The following CACNA2D3 variants were observed in gnomAD, a reference collection of about 807,000 sequenced individuals.
CACNA2D3 encodes the protein calcium voltage-gated channel auxiliary subunit alpha2delta 3, also known as voltage-dependent calcium channel subunit alpha-2/delta-3.
Under a neutral mutation model 160.6 loss-of-function variants are expected in CACNA2D3, and 60 were observed. The ratio of observed to expected loss-of-function variants is 0.37; its 90% CI spans 0.30 to 0.46. The LOEUF (loss-of-function observed/expected upper bound fraction) is 0.46. CACNA2D3 is among the 20% of genes least tolerant of loss of function. The pLI, the probability that CACNA2D3 is intolerant of heterozygous loss-of-function variation, is 1.00. For missense variants in CACNA2D3, 1,205 were observed against 1,365.0 expected (o/e 0.88, Z 1.85); for synonymous variants, 558 against 492.9 (o/e 1.13, Z -1.75).
At chr3:54,928,695 C>A (rs1445205836) in intron 27 of CACNA2D3, among the ~76,000 whole-genome samples, 3 of 151,970 alleles carry the variant, frequency 2.0e-5, no homozygotes, top group African/African-American at 7.3e-5. Context: ...TTGCTTGCTG[C>A]CCCCACACCC....
intron 10 of CACNA2D3, among the ~76,000 whole-genome samples, chr3:54,636,488 G>T (rs1002630858): frequency 1.3e-5 from 2 of 151,944 alleles, no homozygotes; most frequent in Non-Finnish European, 2.9e-5. Context: ...ATAGATTTTG[G>T]AAGTTATGAG....
intron 4 of CACNA2D3, among the ~76,000 whole-genome samples, chr3:54,401,757 GTTC>G (rs1485900870): frequency 2.6e-5 from 4 of 152,096 alleles, no homozygotes; most frequent in Non-Finnish European, 4.4e-5. Flanking sequence ...ACTTAAGAGA[GTTC>G]TTCAAGTAGA....
intron 5 of CACNA2D3, among the ~76,000 whole-genome samples, chr3:54,526,397 G>T (rs1403115814): frequency 1.3e-5 from 2 of 151,902 alleles, no homozygotes; most frequent in African/African-American, 2.4e-5. Context: ...CCTATTTTTT[G>T]CATGTCTTGT....
chr3:54,378,684 A>G (rs556548111), intron 3 of CACNA2D3, among the ~76,000 whole-genome samples: 3 of 152,348 alleles, frequency 2.0e-5, no homozygotes, highest in East Asian at 1.9e-4. Flanking sequence ...CAGGAGAGCT[A>G]TGTAAGCAGA....
At chr3:54,524,094 C>T (rs976743125) in intron 5 of CACNA2D3, among the ~76,000 whole-genome samples, 1 of 151,830 alleles carries the variant, frequency 6.6e-6, no homozygotes. Context: ...GAAGTTTAGC[C>T]TATTGCTTTG....
intron 9 of CACNA2D3, among the ~76,000 whole-genome samples, chr3:54,606,494 A>G (rs542862059): frequency 6.6e-6 from 1 of 152,222 alleles, no homozygotes; most frequent in African/African-American, 2.4e-5. Flanking sequence ...TTGAAGGCAC[A>G]GGTGACAGGA....
intron 2 of CACNA2D3, among the ~76,000 whole-genome samples, chr3:54,296,668 TAA>T (rs1559913286): frequency 6.6e-6 from 1 of 152,148 alleles, no homozygotes; most frequent in Non-Finnish European, 1.5e-5. Context: ...CCCTCAAAAA[TAA>T]AAAGAGAGGC....
At chr3:54,131,314 C>T (rs1057298667) in intron 2 of CACNA2D3, among the ~76,000 whole-genome samples, 1 of 152,196 alleles carries the variant, frequency 6.6e-6, no homozygotes, top group Non-Finnish European at 1.5e-5. Context: ...ATGCACCCTT[C>T]CCCTAGAGAT....
intron 2 of CACNA2D3, among the ~76,000 whole-genome samples, chr3:54,272,531 A>T (rs887738015): frequency 6.6e-6 from 1 of 151,996 alleles, no homozygotes; most frequent in African/African-American, 2.4e-5. Context: ...TTTCAGGTTC[A>T]TTAAACCTAT....
intron 13 of CACNA2D3, among the ~76,000 whole-genome samples, chr3:54,765,268 C>G (rs566108281): frequency 3.3e-5 from 5 of 152,238 alleles, no homozygotes; most frequent in African/African-American, 9.6e-5. Flanking sequence ...TCAGGGGACA[C>G]CATGACACAG....
intron 31 of CACNA2D3, among the ~76,000 whole-genome samples, chr3:54,992,743 G>A (rs1702768300): frequency 6.7e-6 from 1 of 149,586 alleles, no homozygotes. Flanking sequence ...GTGTTAGTCG[G>A]TTCTCACACT....
intron 4 of CACNA2D3, among the ~76,000 whole-genome samples, chr3:54,458,826 G>T (rs1700446076): frequency 6.6e-6 from 1 of 151,650 alleles, no homozygotes; most frequent in African/African-American, 2.4e-5. Context: ...CAATGTGCAG[G>T]TTAGTTACAT....
At chr3:54,140,502 C>T (rs1045263061) in intron 2 of CACNA2D3, among the ~76,000 whole-genome samples, 8 of 152,234 alleles carry the variant, frequency 5.3e-5, no homozygotes, top group African/African-American at 1.9e-4. Flanking sequence ...CAAATTTCCT[C>T]TATCTGGGCC....
intron 3 of CACNA2D3, among the ~76,000 whole-genome samples, chr3:54,333,701 TA>T (rs2107519999): frequency 6.6e-6 from 1 of 152,088 alleles, no homozygotes; most frequent in Non-Finnish European, 1.5e-5. Flanking sequence ...AGCCTGTGTT[TA>T]AGGGAAGCAA....
chr3:54,225,594 T>C (rs1204033394), intron 2 of CACNA2D3, among the ~76,000 whole-genome samples: 1 of 152,248 alleles, frequency 6.6e-6, no homozygotes, highest in Non-Finnish European at 1.5e-5. Flanking sequence ...GTTAAACACA[T>C]CTTTTGTGTT....
intron 27 of CACNA2D3, among the ~76,000 whole-genome samples, chr3:54,934,058 A>T (rs1701270942): frequency 6.6e-6 from 1 of 152,206 alleles, no homozygotes; most frequent in South Asian, 2.1e-4. Context: ...GGCATGAGCC[A>T]TTGTGCCCAT....
chr3:54,292,032 AT>A (rs928891451), intron 2 of CACNA2D3, among the ~76,000 whole-genome samples: 4 of 152,224 alleles, frequency 2.6e-5, no homozygotes, highest in African/African-American at 9.6e-5. Context: ...TAGTCAGTTG[AT>A]TTCCAGCAAG....
intron 10 of CACNA2D3, chr3:54,638,569 T>C (rs909488102): frequency 2.0e-5 from 3 of 151,554 alleles, no homozygotes; most frequent in Non-Finnish European, 2.9e-5. Flanking sequence ...GATGGGTCTG[T>C]AGAAAAGGAA....
At chr3:54,225,483 A>T (rs1701654753) in intron 2 of CACNA2D3, among the ~76,000 whole-genome samples, 1 of 152,074 alleles carries the variant, frequency 6.6e-6, no homozygotes, top group African/African-American at 2.4e-5. Context: ...AGTTTCCTAT[A>T]TGTTTCCCAT....
Sources: gnomAD v4.1 joint callset for allele counts (sites outside exome capture counted in the v4.1 genomes callset) on GRCh38, gnomAD v4.1.1 for gene constraint, MANE v1.5 for transcripts, NCBI Gene and HGNC (gene_info 2026-07-23, HGNC 2026-07-21) for gene names.